ZBBX: variants seen among roughly 807,000 people sequenced by gnomAD.
ZBBX encodes the protein zinc finger B-box domain-containing protein 1.
Under a neutral mutation model 108.5 loss-of-function variants are expected in ZBBX, and 101 were observed. That is an observed-to-expected ratio of 0.93 (90% CI 0.79 to 1.10). The LOEUF is 1.10. Ranked by LOEUF, ZBBX falls within the 50% of genes least tolerant of loss-of-function variation. The pLI is 0.00. For synonymous variants in ZBBX, 356 were observed against 323.4 expected, an observed-to-expected ratio of 1.10 and a Z score of -1.08; for missense variants, 1,009 against 941.4, an observed-to-expected ratio of 1.07 and a Z score of -0.94.
At chr3:167,341,626 A>C (rs1740547749) in intron 9 of ZBBX, among the ~76,000 whole-genome samples, 1 of 151,904 alleles carries the variant, frequency 6.6e-6, no homozygotes, top group Admixed American at 6.6e-5. Context: ...AGAAACTCAC[A>C]CCTGTAATTT....
intron 4 of ZBBX, among the ~76,000 whole-genome samples, chr3:167,370,991 A>T (rs969741757): frequency 1.3e-5 from 2 of 152,278 alleles, no homozygotes; most frequent in Admixed American, 1.3e-4. Context: ...GCTGAGAAAG[A>T]GGTCAGGAGG....
chr3:167,348,769 G>C (rs576519967), intron 9 of ZBBX, among the ~76,000 whole-genome samples: 21 of 151,862 alleles, frequency 1.4e-4, no homozygotes, highest in Admixed American at 1.3e-3. Flanking sequence ...GTGTATATTC[G>C]GTAGATATTT....
At chr3:167,184,461 T>C in the ZBBX span, among the ~76,000 whole-genome samples, 1 of 152,144 alleles carries the variant, frequency 6.6e-6, no homozygotes. Flanking sequence ...TTTATAATAC[T>C]AAATATGCCC....
intron 9 of ZBBX, among the ~76,000 whole-genome samples, chr3:167,343,581 T>A (rs1263660746): frequency 6.6e-6 from 1 of 151,902 alleles, no homozygotes; most frequent in Non-Finnish European, 1.5e-5. Context: ...TGTCAAAATT[T>A]ATCCCAGGAA....
Position 167,266,136 on chromosome 3 carries a change from C to T in ZBBX, c.2254+16102G>A, listed in dbSNP as rs75489137. On this transcript the variant is annotated intron_variant, in intron 20 of 21. Coordinates refer to ENST00000675490, the MANE Select transcript of ZBBX (RefSeq NM_001199201.2). ...TTGTTAAAATTTGGTGTTCCAGTGT[C>T]GGGGAGGATGGGTAAATGAATGATG... is the stretch of plus-strand genomic sequence containing the variant. Among the ~76,000 whole-genome samples, 934 of 152,276 alleles carry T rather than the reference C, an allele frequency of 6.1e-3. 6 individuals are homozygous for T. The highest frequency in any genetic ancestry group is 0.022 in the African/African-American group (906 of 41,552).
At chr3:167,385,403 C>A (rs1367547140) in intron 1 of ZBBX, among the ~76,000 whole-genome samples, 7 of 151,938 alleles carry the variant, frequency 4.6e-5, no homozygotes, top group African/African-American at 1.7e-4. Flanking sequence ...TTAGAGTTGG[C>A]AGAACTGGAA....
intron 1 of ZBBX, among the ~76,000 whole-genome samples, chr3:167,395,501 C>CA (rs1748207408): frequency 6.6e-6 from 1 of 150,836 alleles, no homozygotes; most frequent in Admixed American, 6.6e-5. Flanking sequence ...AATCCTGGCT[C>CA]CTCATGCAGC....
intron 1 of ZBBX, 38 bp downstream of exon 1, chr3:167,380,209 A>G (rs57409059): frequency 0.28 from 43,101 of 152,114 alleles, 6,266 homozygotes; most frequent in South Asian, 0.32. Context: ...CTCAGAGACC[A>G]TCCTCCCCTC....
intron 5 of ZBBX, among the ~76,000 whole-genome samples, chr3:167,367,497 A>G (rs998266724): frequency 6.6e-5 from 10 of 151,664 alleles, no homozygotes; most frequent in African/African-American, 2.4e-4. Context: ...TATCACATCA[A>G]TGCATTCTGA....
chr3:167,191,934 T>TATATATATATATATAG, the ZBBX span, among the ~76,000 whole-genome samples: 3 of 130,224 alleles, frequency 2.3e-5, no homozygotes, highest in Admixed American at 7.7e-5. Context: ...TATATATATA[T>TATATATATATATATAG]AGAGCAAGTT....
At chr3:167,278,000 C>T (rs1164934970) in intron 20 of ZBBX, among the ~76,000 whole-genome samples, 1 of 147,108 alleles carries the variant, frequency 6.8e-6, no homozygotes, top group Admixed American at 6.9e-5. Context: ...TGAATGACTA[C>T]TGGGTACATA....
chr3:167,313,020 T>C (rs942466722), intron 16 of ZBBX, among the ~76,000 whole-genome samples: 4 of 152,190 alleles, frequency 2.6e-5, no homozygotes, highest in Non-Finnish European at 4.4e-5. Context: ...GGCTTGAAAA[T>C]TATCTAGTTC....
intron 1 of ZBBX, among the ~76,000 whole-genome samples, chr3:167,391,719 A>G (rs891291830): frequency 6.6e-6 from 1 of 151,810 alleles, no homozygotes; most frequent in Admixed American, 6.6e-5. Flanking sequence ...CTTTCTTTTC[A>G]TCAAATTTAT....
chr3:167,316,978 A>G (rs941613124), intron 14 of ZBBX, 27 bp downstream of exon 14: 2 of 1,352,620 alleles, frequency 1.5e-6, no homozygotes, highest in Non-Finnish European at 2.1e-6. Flanking sequence ...AAAATCATGA[A>G]TGGTCATTAT....
intron 20 of ZBBX, among the ~76,000 whole-genome samples, chr3:167,272,674 G>T (rs188514046): frequency 6.6e-6 from 1 of 152,014 alleles, no homozygotes; most frequent in African/African-American, 2.4e-5. Flanking sequence ...TACATTTGAC[G>T]CTTGTCTAGT....
intron 1 of ZBBX, chr3:167,399,648 A>T (rs1257617190): frequency 6.6e-6 from 1 of 152,142 alleles, no homozygotes; most frequent in Non-Finnish European, 1.5e-5. Flanking sequence ...GAGGTAAGAG[A>T]AAATATGGTA....
chr3:167,251,135 G>A (rs981929051), intron 20 of ZBBX, among the ~76,000 whole-genome samples: 8 of 152,148 alleles, frequency 5.3e-5, no homozygotes, highest in Non-Finnish European at 1.0e-4. Context: ...GAGGAGAGCT[G>A]GGGCTGCTGA....
At position 167,321,871 on chromosome 3, in the gene ZBBX, C is replaced by T. The variant is rs569351351; in HGVS notation, c.983+246G>A. ...CTTCTTAAATTCATTTCTGCATTTG[C>T]GCCTTTTCCTTATATACACATTTCC... On this transcript the variant is annotated intron_variant, in intron 12 of 21. Transcript: ENST00000675490. 7.9e-5 allele frequency among the ~76,000 whole-genome samples: 12 copies of T among 151,920 alleles called. 1 individual carries two copies. In the South Asian group the frequency reaches 1.5e-3, roughly 18 times the overall value.
chr3:167,355,057 T>C (rs1274795509), intron 8 of ZBBX, among the ~76,000 whole-genome samples: 2 of 152,036 alleles, frequency 1.3e-5, no homozygotes, highest in South Asian at 2.1e-4. Flanking sequence ...AATGATGGAA[T>C]ATCCAACTGC....
Sources: gnomAD v4.1 joint callset for allele counts (sites outside exome capture counted in the v4.1 genomes callset) on GRCh38, gnomAD v4.1.1 for gene constraint, MANE v1.5 for transcripts, NCBI Gene and HGNC (gene_info 2026-07-23, HGNC 2026-07-21) for gene names.